IGF1R: variants seen among roughly 807,000 people sequenced by gnomAD.
The protein encoded by IGF1R is insulin like growth factor 1 receptor.
IGF1R carries 44 observed loss-of-function variants against 144.6 expected under a neutral mutation model. The ratio of observed to expected loss-of-function variants is 0.30; its 90% CI spans 0.24 to 0.39. The LOEUF is 0.39. Among genes scored for constraint, IGF1R ranks in the 10% least tolerant of loss-of-function variants. The pLI is 1.00. For missense variants in IGF1R, 1,355 were observed against 1,833.7 expected (o/e 0.74, Z 4.77); for synonymous variants, 795 against 722.8 (o/e 1.10, Z -1.60).
rs2017297005 is a variant in IGF1R at position 98,963,222 on chromosome 15, T to G, written c.*5780T>G. ...TGTGTGTTTGTGATCCATTTTTTTTTTTTTTTTTTAGGACACCTGTTTACT... is the reference window on the plus strand; with the variant it reads ...TGTGTGTTTGTGATCCATTTTTTTTGTTTTTTTTTAGGACACCTGTTTACT... On this transcript the variant is annotated 3_prime_UTR_variant, in exon 21 of 21. Transcript: ENST00000650285. 4.4e-6 allele frequency: 1 copy of G among 229,516 alleles called. No individual in the cohort carries two copies. The highest frequency in any genetic ancestry group is 5.7e-5 in the Admixed American group (1 of 17,518). 14.2% of individuals were successfully genotyped at this position (229,516 alleles called of 1,614,324 possible).
intron 2 of IGF1R, among the ~76,000 whole-genome samples, chr15:98,854,461 C>T (rs921811791): frequency 2.6e-5 from 4 of 152,196 alleles, no homozygotes; most frequent in African/African-American, 9.7e-5. Flanking sequence ...ACTTCCCCTT[C>T]TCTGTCTGGT....
At chr15:98,817,412 G>C (rs2056718292) in intron 2 of IGF1R, among the ~76,000 whole-genome samples, 1 of 152,062 alleles carries the variant, frequency 6.6e-6, no homozygotes, top group Non-Finnish European at 1.5e-5. Context: ...GAGCATCTAA[G>C]AAGAAAACAC....
intron 2 of IGF1R, among the ~76,000 whole-genome samples, chr15:98,817,863 T>C (rs955163221): frequency 2.2e-4 from 34 of 152,210 alleles, no homozygotes; most frequent in African/African-American, 8.0e-4. Context: ...AGCCCTACTT[T>C]CCCAGTCTTG....
At chr15:98,911,776 G>A (rs975528715) in intron 7 of IGF1R, among the ~76,000 whole-genome samples, 2 of 152,126 alleles carry the variant, frequency 1.3e-5, no homozygotes, top group Non-Finnish European at 2.9e-5. Context: ...AACGATGATG[G>A]GGGACTTCAC....
chr15:98,667,343 A>G (rs1043220481), intron 1 of IGF1R, among the ~76,000 whole-genome samples: 1 of 150,544 alleles, frequency 6.6e-6, no homozygotes, highest in Admixed American at 6.6e-5. Flanking sequence ...TGACAGCTCA[A>G]TTTTTTTTTT....
intron 1 of IGF1R, among the ~76,000 whole-genome samples, chr15:98,705,970 G>A (rs971743660): frequency 3.3e-5 from 5 of 152,214 alleles, no homozygotes; most frequent in African/African-American, 1.2e-4. Flanking sequence ...CATTGTCTCT[G>A]GCCTGTGGGA....
chr15:98,789,012 T>C (rs942949928), intron 2 of IGF1R, among the ~76,000 whole-genome samples: 3 of 152,212 alleles, frequency 2.0e-5, no homozygotes, highest in African/African-American at 4.8e-5. Context: ...TGCAGTGGCT[T>C]GCGTGTGTGT....
At position 98,830,947 on chromosome 15, in the gene IGF1R, A is replaced by G. The variant is rs142369933; in HGVS notation, c.641-60378A>G. Among the ~76,000 whole-genome samples, 1,290 of 152,212 alleles carry G rather than the reference A, an allele frequency of 8.5e-3. 7 individuals carry two copies. The highest frequency in any genetic ancestry group is 0.024 in the Middle Eastern group (7 of 294). On this transcript the variant is annotated intron_variant, in intron 2 of 20. Transcript: ENST00000650285. ...AGGAGGCCTCAGGGAGCTTTTATTC[A>G]TGGCAGAAGGTGAAGGGGGAGCAGT...
At chr15:98,897,724 C>T (rs2014273148) in intron 4 of IGF1R, among the ~76,000 whole-genome samples, 1 of 152,224 alleles carries the variant, frequency 6.6e-6, no homozygotes, top group African/African-American at 2.4e-5. Context: ...CACAGGCACA[C>T]ACTACCATGT....
chr15:98,807,888 C>A (rs1177621226), intron 2 of IGF1R, among the ~76,000 whole-genome samples: 1 of 152,210 alleles, frequency 6.6e-6, no homozygotes, highest in Admixed American at 6.5e-5. Context: ...AGTAATTTTC[C>A]TTCTGAAATC....
intron 19 of IGF1R, among the ~76,000 whole-genome samples, chr15:98,947,219 G>A (rs1172940124): frequency 6.6e-6 from 1 of 152,238 alleles, no homozygotes; most frequent in Admixed American, 6.5e-5. Flanking sequence ...GGGTTGGTCT[G>A]TCCTCTGATT....
rs943890052 is a variant in IGF1R at position 98,891,134 on chromosome 15, C to G, written c.641-191C>G. 1.3e-5 allele frequency among the ~76,000 whole-genome samples: 2 copies of G among 152,234 alleles called. No homozygotes were observed. The highest frequency in any genetic ancestry group is 4.8e-5 in the African/African-American group (2 of 41,460). On this transcript the variant is annotated intron_variant, in intron 2 of 20. Transcript: ENST00000650285. This position sits in a 1 kb window ranked among gnomAD's most constrained non-coding sequence, Gnocchi z 4.7. Reference sequence around the variant, plus strand: ...ACTGAACTTTAAAGATATCGACTCTCTGCAGGTCTAAGTGGATGAAAGGAC... The same window carrying G: ...ACTGAACTTTAAAGATATCGACTCTGTGCAGGTCTAAGTGGATGAAAGGAC...
chr15:98,741,235 CTTTT>C (rs540942858), intron 2 of IGF1R, among the ~76,000 whole-genome samples: 54 of 70,306 alleles, frequency 7.7e-4, no homozygotes, highest in African/African-American at 3.3e-3. Flanking sequence ...TTTTCCTGAG[CTTTT>C]TTTTTTTTTT....
chr15:98,917,711 A>G (rs775956623), intron 10 of IGF1R, among the ~76,000 whole-genome samples: 28 of 152,236 alleles, frequency 1.8e-4, no homozygotes, highest in Admixed American at 2.6e-4. Flanking sequence ...ACACCATGCC[A>G]AGTGAAACAA....
intron 19 of IGF1R, among the ~76,000 whole-genome samples, chr15:98,947,775 C>G (rs538433598): frequency 7.9e-5 from 12 of 152,310 alleles, no homozygotes; most frequent in African/African-American, 2.9e-4. Flanking sequence ...GATTCTTTGT[C>G]CATGATACCC....
intron 1 of IGF1R, among the ~76,000 whole-genome samples, chr15:98,688,656 AT>A (rs545736949): frequency 0.043 from 6,318 of 146,992 alleles, 177 homozygotes; most frequent in Non-Finnish European, 0.071. Flanking sequence ...TTAAGTCCTC[AT>A]TTTTTTTTTT....
intron 12 of IGF1R, 112 bp from the exon 13 acceptor site, chr15:98,924,413 G>T (rs2151694111): frequency 5.3e-6 from 5 of 944,448 alleles, no homozygotes; most frequent in East Asian, 4.8e-5. Flanking sequence ...ATCATTGTTA[G>T]GTGGGAGGTC....
At chr15:98,853,019 G>A (rs899729684) in intron 2 of IGF1R, among the ~76,000 whole-genome samples, 3 of 152,188 alleles carry the variant, frequency 2.0e-5, no homozygotes, top group Non-Finnish European at 4.4e-5. Flanking sequence ...TTGCTTGGAT[G>A]GGCAGATCGA....
rs954387032 is a variant in IGF1R at position 98,899,558 on chromosome 15, C to T, written c.1184C>T (p.Ala395Val). The T allele has an allele frequency of 6.2e-7, 1 of 1,614,098 alleles. No individual in the cohort carries two copies. The highest frequency in any genetic ancestry group is 1.1e-5 in the South Asian group (1 of 91,078). ...TACGTGAAGATCCGCCATTCTCATG[C>T]CTTGGTCTCCTTGTCCTTCCTAAAA... ...TGYVKIRHSH[A>V]LVSLSFLKNL... The change falls in exon 5 of 21, where the codon GCC becomes GTC. Residue 395 changes from alanine to valine, a missense_variant. Ala to Val is a moderately conservative substitution (Grantham distance 64). This residue lies in a region of IGF1R where 880 missense variants were observed against 1,202.7 expected (regional missense o/e 0.73). Transcript: ENST00000650285.
Sources: allele counts gnomAD v4.1 joint callset (sites outside exome capture counted in the v4.1 genomes callset), GRCh38; gene constraint gnomAD v4.1.1; regional missense constraint gnomAD v4.1.1; non-coding constraint Gnocchi (gnomAD v3.1); transcripts MANE v1.5; gene names NCBI Gene and HGNC (gene_info 2026-07-23, HGNC 2026-07-21).